The following SCARA5 variants were observed in gnomAD, a reference collection of about 807,000 sequenced individuals.
SCARA5 encodes the protein scavenger receptor class A, member 5 (putative).
A neutral mutation model predicts 46.3 loss-of-function variants in SCARA5; 45 were observed. The ratio of observed to expected loss-of-function variants is 0.97; its 90% CI spans 0.76 to 1.24. The LOEUF is 1.24. Among genes scored for constraint, SCARA5 ranks in the 50% most tolerant of loss-of-function variants. The pLI is 0.00. For missense variants in SCARA5, 680 were observed against 689.0 expected (o/e 0.99, Z 0.15); for synonymous variants, 333 against 306.5 (o/e 1.09, Z -0.90).
At chr8:27,965,688 G>T (rs1007250673) in intron 3 of SCARA5, among the ~76,000 whole-genome samples, 2 of 152,234 alleles carry the variant, frequency 1.3e-5, no homozygotes, top group Non-Finnish European at 2.9e-5. Context: ...CTTGCGTCCA[G>T]TCCTACCTAC....
At chr8:27,947,308 A>G (rs1585506895) in intron 3 of SCARA5, among the ~76,000 whole-genome samples, 1 of 152,160 alleles carries the variant, frequency 6.6e-6, no homozygotes, top group Non-Finnish European at 1.5e-5. Context: ...GACTGCACCC[A>G]GCCTCTGTTG....
chr8:27,898,987 T>A lies in SCARA5; in HGVS notation c.1153+5791A>T, dbSNP rs541266843. ...CCATCCCCATACCTGGCCCTCTGCA[T>A]CTCTCCCATCCCTCTGTTCCCGAGT... On this transcript the variant is annotated intron_variant, in intron 7 of 8. Coordinates refer to ENST00000354914, the MANE Select transcript of SCARA5 (RefSeq NM_173833.6). Among the ~76,000 whole-genome samples the A allele has an allele frequency of 2.0e-5, 3 of 152,332 alleles. No individual in the cohort carries two copies. The South Asian group carries it at 6.2e-4, about 32-fold the overall frequency.
intron 2 of SCARA5, among the ~76,000 whole-genome samples, chr8:27,975,794 C>T (rs984925007): frequency 2.6e-5 from 4 of 152,114 alleles, no homozygotes; most frequent in Non-Finnish European, 5.9e-5. Context: ...GCAGACGGCT[C>T]AGCGAGGGCA....
At chr8:27,969,929 C>A (rs933494624) in intron 2 of SCARA5, among the ~76,000 whole-genome samples, 1 of 152,310 alleles carries the variant, frequency 6.6e-6, no homozygotes, top group Admixed American at 6.5e-5. Context: ...AAAAGCCCCA[C>A]TCTGGTAGCC....
At chr8:27,901,366 C>T (rs578168708) in intron 7 of SCARA5, among the ~76,000 whole-genome samples, 1 of 152,146 alleles carries the variant, frequency 6.6e-6, no homozygotes, top group Non-Finnish European at 1.5e-5. Context: ...CGGCTCTTCC[C>T]GCACGATGTT....
chr8:27,885,574 G>C (rs1380757447), intron 7 of SCARA5, among the ~76,000 whole-genome samples: 1 of 152,210 alleles, frequency 6.6e-6, no homozygotes, highest in Non-Finnish European at 1.5e-5. Flanking sequence ...GGCAGGTGCT[G>C]GCTGGAGGGC....
At chr8:27,938,394 T>C (rs182323733) in intron 3 of SCARA5, among the ~76,000 whole-genome samples, 1 of 152,260 alleles carries the variant, frequency 6.6e-6, no homozygotes, top group East Asian at 1.9e-4. Context: ...CATACTTTCA[T>C]GGGGTTTGTT....
rs568155767 is a variant in SCARA5 at position 27,955,056 on chromosome 8, C to T, written c.241+11358G>A. Reference sequence around the variant, plus strand: ...TGTAGGATCCACCACTTCCCACCCTCAGAGGTGGCACCTTGGCATCCTACA... The same window carrying T: ...TGTAGGATCCACCACTTCCCACCCTTAGAGGTGGCACCTTGGCATCCTACA... On this transcript the variant is annotated intron_variant, in intron 3 of 8. Coordinates refer to ENST00000354914, the MANE Select transcript of SCARA5 (RefSeq NM_173833.6). 2.9e-3 allele frequency among the ~76,000 whole-genome samples: 437 copies of T among 152,294 alleles called. 1 individual carries two copies. The highest frequency in any genetic ancestry group is 3.4e-3 in the Middle Eastern group (1 of 294).
intron 2 of SCARA5, among the ~76,000 whole-genome samples, chr8:27,972,055 C>T (rs1283712506): frequency 1.3e-5 from 2 of 151,964 alleles, no homozygotes; most frequent in Non-Finnish European, 2.9e-5. Flanking sequence ...GGTGGCTCAC[C>T]CCTGTAATCC....
At chr8:27,923,960 T>A (rs1807642108) in intron 3 of SCARA5, among the ~76,000 whole-genome samples, 2 of 152,202 alleles carry the variant, frequency 1.3e-5, no homozygotes, top group South Asian at 4.1e-4. Flanking sequence ...AGGGTTCCCT[T>A]TTCTTGGTTA....
intron 2 of SCARA5, among the ~76,000 whole-genome samples, chr8:27,983,253 C>G (rs1808651566): frequency 6.6e-6 from 1 of 152,176 alleles, no homozygotes; most frequent in Non-Finnish European, 1.5e-5. Flanking sequence ...GGTGGATGGG[C>G]AGGAGGGCGT....
intron 2 of SCARA5, among the ~76,000 whole-genome samples, chr8:27,978,810 C>T (rs890404755): frequency 5.9e-5 from 9 of 152,084 alleles, no homozygotes; most frequent in African/African-American, 1.9e-4. Context: ...GGTGCCCGCC[C>T]TCATCTTCTT....
chr8:27,911,850 T>G (rs28588017), intron 4 of SCARA5, among the ~76,000 whole-genome samples: 21,869 of 152,108 alleles, frequency 0.14, 1,872 homozygotes, highest in East Asian at 0.35. Context: ...GATGAGGTTA[T>G]ATTGGGGTAG....
At chr8:27,905,434 C>T (rs2129751772) in intron 6 of SCARA5, among the ~76,000 whole-genome samples, 1 of 150,502 alleles carries the variant, frequency 6.6e-6, no homozygotes, top group East Asian at 2.0e-4. Flanking sequence ...AGAAAGACAT[C>T]TGCCAATCAA....
intron 6 of SCARA5, among the ~76,000 whole-genome samples, chr8:27,906,181 G>T (rs1003582780): frequency 6.6e-6 from 1 of 152,242 alleles, no homozygotes; most frequent in Non-Finnish European, 1.5e-5. Context: ...TAGACATGGA[G>T]TGGGAATGAT....
chr8:27,880,339 A>C (rs1806791282), intron 7 of SCARA5, among the ~76,000 whole-genome samples: 1 of 152,066 alleles, frequency 6.6e-6, no homozygotes, highest in African/African-American at 2.4e-5. Flanking sequence ...ACAAAAACCA[A>C]AATTGACAAG....
intron 3 of SCARA5, among the ~76,000 whole-genome samples, chr8:27,941,754 T>C (rs1807947625): frequency 6.6e-6 from 1 of 151,440 alleles, no homozygotes; most frequent in South Asian, 2.1e-4. Flanking sequence ...GTGGACATCA[T>C]CTCATTTTGT....
In SCARA5 at chr8:27,907,045, G is replaced by A. The variant is rs968391320; in HGVS notation, c.1096+103C>T. 35 of 749,786 alleles carry A rather than the reference G, an allele frequency of 4.7e-5. No individual in the cohort carries two copies. In the Middle Eastern group the frequency reaches 1.5e-3, roughly 31 times the overall value. 46.4% of individuals were successfully genotyped at this position (749,786 alleles called of 1,614,324 possible). ...AGACTTGTACAAGGTTGCCCCGCTG[G>A]TCCGTGGCACAGTGAAGATAAGAGT... is the stretch of plus-strand genomic sequence containing the variant. On this transcript the variant is annotated intron_variant, in intron 6 of 8. Coordinates refer to ENST00000354914, the MANE Select transcript of SCARA5 (RefSeq NM_173833.6).
chr8:27,892,952 C>T (rs1347668583), intron 7 of SCARA5, among the ~76,000 whole-genome samples: 2 of 152,076 alleles, frequency 1.3e-5, no homozygotes, highest in Non-Finnish European at 2.9e-5. Context: ...CTGGGAGCAA[C>T]AGGGCATGTC....
Sources: allele counts gnomAD v4.1 joint callset (sites outside exome capture counted in the v4.1 genomes callset), GRCh38; gene constraint gnomAD v4.1.1; transcripts MANE v1.5; gene names NCBI Gene and HGNC (gene_info 2026-07-23, HGNC 2026-07-21).